CPLX2: variants seen among roughly 807,000 people sequenced by gnomAD.
CPLX2 encodes complexin-2.
In CPLX2, 5 loss-of-function variants were observed where a neutral mutation model predicts 16.3. That is an observed-to-expected ratio of 0.31 (90% CI 0.16 to 0.64). The LOEUF (loss-of-function observed/expected upper bound fraction) is 0.64, where lower values mean the gene tolerates loss of function less well. CPLX2 is among the 30% of genes least tolerant of loss of function. The pLI, the probability that CPLX2 is intolerant of heterozygous loss-of-function variation, is 0.79. For missense variants in CPLX2, 144 were observed against 181.4 expected (o/e 0.79, Z 1.18); for synonymous variants, 89 against 73.2 (o/e 1.22, Z -1.10).
At chr5:175,857,625 T>G (rs1475850893) in intron 2 of CPLX2, among the ~76,000 whole-genome samples, 3 of 152,242 alleles carry the variant, frequency 2.0e-5, no homozygotes, top group Non-Finnish European at 4.4e-5. Flanking sequence ...TATTGAATGT[T>G]GTACTGAAAG....
upstream of CPLX2, among the ~76,000 whole-genome samples, chr5:175,870,385 T>A (rs1759564685): frequency 6.6e-6 from 1 of 152,102 alleles, no homozygotes. Flanking sequence ...TGGAACAAAA[T>A]CACATTTCTG....
intron 1 of CPLX2, among the ~76,000 whole-genome samples, chr5:175,803,052 G>A (rs1581065103): frequency 2.0e-5 from 3 of 152,194 alleles, no homozygotes; most frequent in East Asian, 3.9e-4. Flanking sequence ...GGTTGGTCTC[G>A]AACTCCTGAC....
rs1759354643 is a variant in CPLX2, at chr5:175,860,597, AG to A, written c.-88-18053del. ...AGGGAGGGAGGGAGGGAAGGAAGGA[AG>A]GAAGGAAGGAAGGAAGGAAGGAAGG... On this transcript the variant is annotated intron_variant, in intron 2 of 4. Transcript: ENST00000359546. Among the ~76,000 whole-genome samples, 4 of 134,680 alleles carry A rather than the reference AG, an allele frequency of 3.0e-5. No individual in the cohort carries two copies. In the South Asian group the frequency reaches 9.7e-4, roughly 33 times the overall value. The allele number at this position is 134,680 out of a possible 152,430, so 88.4% of individuals were successfully genotyped here.
chr5:175,857,014 G>A (rs1429290706), intron 2 of CPLX2, among the ~76,000 whole-genome samples: 3 of 152,304 alleles, frequency 2.0e-5, no homozygotes, highest in East Asian at 3.9e-4. Flanking sequence ...CTGAAGAACT[G>A]AACTAGGGAC....
intron 2 of CPLX2, among the ~76,000 whole-genome samples, chr5:175,835,282 T>C (rs1019824701): frequency 6.6e-5 from 10 of 152,192 alleles, no homozygotes; most frequent in African/African-American, 2.4e-4. Context: ...AATCAATGCA[T>C]AAGACAGGAA....
At chr5:175,869,714 C>T (rs752369354), upstream of CPLX2, among the ~76,000 whole-genome samples, 12 of 152,184 alleles carry the variant, frequency 7.9e-5, no homozygotes, top group Non-Finnish European at 1.0e-4. Flanking sequence ...CTTCAACCTG[C>T]CCTCATTTGA....
intron 2 of CPLX2, among the ~76,000 whole-genome samples, chr5:175,834,527 C>T (rs1047740642): frequency 6.6e-5 from 10 of 151,956 alleles, no homozygotes; most frequent in South Asian, 4.2e-4. Flanking sequence ...GCACAGTGGG[C>T]GGGGTAGCAG....
intron 2 of CPLX2, among the ~76,000 whole-genome samples, chr5:175,826,545 G>A: frequency 6.6e-6 from 1 of 152,222 alleles, no homozygotes; most frequent in Admixed American, 6.5e-5. Context: ...GCAGGAATCA[G>A]ACGGACCCTC....
chr5:175,835,708 TTTA>T (rs1581083431), intron 2 of CPLX2, among the ~76,000 whole-genome samples: 9 of 75,882 alleles, frequency 1.2e-4, no homozygotes, highest in Admixed American at 8.7e-4. Flanking sequence ...GTGGTTTTTA[TTTA>T]TTTATTTATT....
intron 2 of CPLX2, among the ~76,000 whole-genome samples, chr5:175,847,365 T>C (rs1471066717): frequency 2.0e-5 from 3 of 151,732 alleles, no homozygotes; most frequent in Non-Finnish European, 4.4e-5. Flanking sequence ...GGGTCCGAGG[T>C]CTCACCCCCG....
rs1315498702 is a variant in CPLX2, at chr5:175,883,894, G to T, written c.*3849G>T. On this transcript the variant is annotated 3_prime_UTR_variant, in exon 4 of 4. Coordinates refer to ENST00000393745, the MANE Select transcript of CPLX2 (RefSeq NM_001008220.2). ...AATGTGTCAGTGCCTGGGGGGAGGGGAGGAGCACCCCCTCAGCCCCCCTGA... is the reference window on the plus strand; with the variant it reads ...AATGTGTCAGTGCCTGGGGGGAGGGTAGGAGCACCCCCTCAGCCCCCCTGA... 6 of 152,796 alleles carry T rather than the reference G, an allele frequency of 3.9e-5. No individual in the cohort carries two copies. Among genetic ancestry groups the T allele is most frequent in the Admixed American group, 1.3e-4 (2 of 15,280 alleles). The allele number at this position is 152,796 out of a possible 1,614,324, so 9.5% of individuals were successfully genotyped here.
At chr5:175,844,400 G>A (rs1759003973) in intron 2 of CPLX2, among the ~76,000 whole-genome samples, 1 of 152,242 alleles carries the variant, frequency 6.6e-6, no homozygotes, top group African/African-American at 2.4e-5. Context: ...TGTGTACCAG[G>A]CACTGCGGTT....
At chr5:175,847,459 C>T (rs1028416612) in intron 2 of CPLX2, among the ~76,000 whole-genome samples, 2 of 152,184 alleles carry the variant, frequency 1.3e-5, no homozygotes, top group Non-Finnish European at 2.9e-5. Flanking sequence ...GACGTGCCTT[C>T]GCTCACAGCA....
intron 1 of CPLX2, among the ~76,000 whole-genome samples, chr5:175,797,769 G>T (rs1758019810): frequency 6.6e-6 from 1 of 152,190 alleles, no homozygotes; most frequent in African/African-American, 2.4e-5. Flanking sequence ...GGGGGGAGGG[G>T]GCGACCCAGA....
intron 1 of CPLX2, among the ~76,000 whole-genome samples, chr5:175,801,125 T>C (rs563537257): frequency 2.5e-4 from 36 of 141,748 alleles, no homozygotes; most frequent in African/African-American, 8.6e-4. Flanking sequence ...CTAAATGTAA[T>C]AGATAGTAGC....
intron 2 of CPLX2, among the ~76,000 whole-genome samples, chr5:175,862,745 C>T (rs1170552628): frequency 6.6e-6 from 1 of 152,206 alleles, no homozygotes; most frequent in African/African-American, 2.4e-5. Context: ...AAGTATAAGA[C>T]CCAGAATGGA....
intron 2 of CPLX2, among the ~76,000 whole-genome samples, chr5:175,823,010 C>T (rs1435998900): frequency 6.6e-6 from 1 of 152,242 alleles, no homozygotes; most frequent in South Asian, 2.1e-4. Flanking sequence ...GGAACAGGCT[C>T]ACGCCTTCTT....
At chr5:175,811,002 G>A (rs758392318) in intron 2 of CPLX2, among the ~76,000 whole-genome samples, 1 of 152,190 alleles carries the variant, frequency 6.6e-6, no homozygotes, top group Non-Finnish European at 1.5e-5. Context: ...AAAGAGCACG[G>A]GCTTTGGAAT....
At position 175,816,759 on chromosome 5, in the gene CPLX2, A is replaced by C. The variant is rs1422090889; in HGVS notation, c.-89+7691A>C. 2.0e-5 allele frequency among the ~76,000 whole-genome samples: 3 copies of C among 152,240 alleles called. No homozygotes were observed. The East Asian group carries it at 5.8e-4, about 29-fold the overall frequency. ...ACCAGAGGTGCCTCATGGCTGGTAC[A>C]TGAAAGCACCTCTTAATTTGCATGT... On this transcript the variant is annotated intron_variant, in intron 2 of 4. Coordinates refer to the CPLX2 transcript ENST00000359546.
Sources: gnomAD v4.1 joint callset for allele counts (sites outside exome capture counted in the v4.1 genomes callset) on GRCh38, gnomAD v4.1.1 for gene constraint, MANE v1.5 for transcripts, NCBI Gene and HGNC (gene_info 2026-07-23, HGNC 2026-07-21) for gene names.